The following GAD2 variants were observed in gnomAD, a reference collection of about 807,000 sequenced individuals.
The protein encoded by GAD2 is glutamate decarboxylase 2, also known as 65 kDa glutamic acid decarboxylase.
In GAD2, 22 loss-of-function variants were observed where a neutral mutation model predicts 80.1. The ratio of observed to expected loss-of-function variants is 0.27; its 90% CI spans 0.20 to 0.39. The LOEUF (loss-of-function observed/expected upper bound fraction) is 0.39, where lower values mean the gene tolerates loss of function less well. GAD2 is among the 10% of genes least tolerant of loss of function. The probability of loss-of-function intolerance (pLI) is 1.00; values close to 1 mark genes in which losing one functional copy is unlikely to be tolerated. For synonymous variants in GAD2, 274 were observed against 256.9 expected (o/e 1.07, Z -0.64); for missense variants, 624 against 738.4 (o/e 0.85, Z 1.80).
chr10:26,228,178 T>G (rs1844553357), intron 6 of GAD2, among the ~76,000 whole-genome samples: 1 of 152,216 alleles, frequency 6.6e-6, no homozygotes, highest in Admixed American at 6.5e-5. Flanking sequence ...ATGTCTTCCA[T>G]CCCAGCATAT....
At chr10:26,253,462 A>G (rs1451603837) in intron 8 of GAD2, among the ~76,000 whole-genome samples, 2 of 152,234 alleles carry the variant, frequency 1.3e-5, no homozygotes, top group Non-Finnish European at 2.9e-5. Flanking sequence ...TAGAGAGGAA[A>G]ATAAACATTT....
intron 13 of GAD2, among the ~76,000 whole-genome samples, chr10:26,288,905 T>C (rs1257744504): frequency 6.6e-6 from 1 of 152,080 alleles, no homozygotes; most frequent in African/African-American, 2.4e-5. Flanking sequence ...CAGGACCAGA[T>C]GAAGCCCAAA....
At position 26,217,294 on chromosome 10, in the gene GAD2, T is replaced by C. The variant is rs949884666; in HGVS notation, c.77-316T>C. The stretch of plus-strand genomic sequence containing the variant: ...GAAAGACAGTCTGCGAAAAAATGGA[T>C]AGCTTCAGTGTTTAGGAAAACTCGT... On this transcript the variant is annotated intron_variant, in intron 1 of 15. Coordinates refer to ENST00000376261, the MANE Select transcript of GAD2 (RefSeq NM_001134366.2). The surrounding 1 kb of genome is among the most constrained non-coding windows in gnomAD (Gnocchi z 4.9). Among the ~76,000 whole-genome samples the C allele has an allele frequency of 6.6e-6, 1 of 151,894 alleles. No homozygotes were observed. Among genetic ancestry groups the C allele is most frequent in the Non-Finnish European group, 1.5e-5 (1 of 67,974 alleles).
At chr10:26,256,843 T>C (rs1167452118) in intron 8 of GAD2, among the ~76,000 whole-genome samples, 1 of 152,256 alleles carries the variant, frequency 6.6e-6, no homozygotes, top group East Asian at 1.9e-4. Flanking sequence ...CAGGGGATGC[T>C]TTGTGTCAGC....
rs575855793 is a variant in GAD2 at position 26,284,811 on chromosome 10, C to T, written c.1237-1534C>T. On this transcript the variant is annotated intron_variant, in intron 12 of 15. Transcript: ENST00000376261. ...GTTTCAATCTCCTGACCTTGTGATC[C>T]ACCCGCCTCGGCCTCCCAAAGTGCT... Among the ~76,000 whole-genome samples, 4 of 152,150 alleles carry T rather than the reference C, an allele frequency of 2.6e-5. No homozygotes were observed. In the East Asian group the frequency reaches 7.7e-4, roughly 29 times the overall value.
intron 7 of GAD2, among the ~76,000 whole-genome samples, chr10:26,241,562 T>C (rs1844743127): frequency 6.6e-6 from 1 of 152,086 alleles, no homozygotes; most frequent in Admixed American, 6.5e-5. Flanking sequence ...TTTTTTTTTT[T>C]TTAGAACTGA....
intron 15 of GAD2, among the ~76,000 whole-genome samples, chr10:26,293,683 C>G (rs1200548784): frequency 6.6e-6 from 1 of 152,184 alleles, no homozygotes; most frequent in African/African-American, 2.4e-5. Flanking sequence ...GCAAACAACG[C>G]TGCTGCTGAC....
chr10:26,286,291 T>G, intron 12 of GAD2, 54 bp from the exon 13 acceptor site: 1 of 1,465,356 alleles, frequency 6.8e-7, no homozygotes, highest in Non-Finnish European at 9.4e-7. Context: ...TTTACCAATA[T>G]AAATCTAATA....
intron 8 of GAD2, among the ~76,000 whole-genome samples, chr10:26,254,664 A>G (rs1844923425): frequency 1.3e-5 from 2 of 152,236 alleles, no homozygotes; most frequent in South Asian, 4.1e-4. Context: ...ATGGGACATC[A>G]CTGAAGGGTT....
intron 8 of GAD2, among the ~76,000 whole-genome samples, chr10:26,257,222 CA>C (rs1844954523): frequency 6.6e-6 from 1 of 152,000 alleles, no homozygotes; most frequent in South Asian, 2.1e-4. Context: ...ACCAAAAATA[CA>C]AAAATTAGCC....
chr10:26,226,464 A>G (rs1422534313), intron 6 of GAD2, among the ~76,000 whole-genome samples: 4 of 152,190 alleles, frequency 2.6e-5, no homozygotes, highest in Non-Finnish European at 5.9e-5. Flanking sequence ...CAGTGCAGAC[A>G]TTGCAAAGTT....
intron 9 of GAD2, among the ~76,000 whole-genome samples, chr10:26,269,454 A>G (rs958212059): frequency 1.3e-5 from 2 of 152,248 alleles, no homozygotes; most frequent in Non-Finnish European, 2.9e-5. Flanking sequence ...TGAAACACCC[A>G]CACATTTGAA....
chr10:26,271,639 G>A (rs539706571), intron 10 of GAD2, among the ~76,000 whole-genome samples: 70 of 152,254 alleles, frequency 4.6e-4, no homozygotes, highest in Non-Finnish European at 7.6e-4. Context: ...ATGTTCATTC[G>A]AGTGCAAGAT....
chr10:26,273,253 GCAACTT>G (rs1845158135), intron 10 of GAD2, among the ~76,000 whole-genome samples: 1 of 152,228 alleles, frequency 6.6e-6, no homozygotes, highest in African/African-American at 2.4e-5. Context: ...AGTTTTCCCT[GCAACTT>G]GGAAGCTGTT....
intron 7 of GAD2, among the ~76,000 whole-genome samples, chr10:26,240,973 C>T (rs374371256): frequency 1.7e-4 from 26 of 151,582 alleles, no homozygotes; most frequent in African/African-American, 6.1e-4. Context: ...ATCCGGGAAG[C>T]GGAGCTTGCA....
chr10:26,280,966 T>A lies in GAD2; in HGVS notation c.1158-43T>A, dbSNP rs1407937602. On this transcript the variant is annotated intron_variant, in intron 11 of 15. Coordinates refer to ENST00000376261, the MANE Select transcript of GAD2 (RefSeq NM_001134366.2). The stretch of plus-strand genomic sequence containing the variant: ...CTCAGTTGCGCATGCCCTGAGCCTG[T>A]CAGGGTGGAGTGCCACCCGCTTATG... 9.1e-6 allele frequency: 13 copies of A among 1,423,072 alleles called. 1 individual carries two copies. In the Middle Eastern group the frequency reaches 5.3e-4, roughly 58 times the overall value. The allele number at this position is 1,423,072 out of a possible 1,614,324, so 88.2% of individuals were successfully genotyped here. A position where few individuals can be genotyped will look rare whatever the true frequency, so the allele number is the denominator to read the frequency against.
intron 3 of GAD2, among the ~76,000 whole-genome samples, chr10:26,218,670 G>T (rs1385072334): frequency 6.6e-6 from 1 of 151,816 alleles, no homozygotes; most frequent in East Asian, 1.9e-4. Flanking sequence ...GAAGGCATTC[G>T]AGACAAACAC....
intron 8 of GAD2, among the ~76,000 whole-genome samples, chr10:26,255,627 A>G (rs1451479830): frequency 8.8e-6 from 1 of 114,058 alleles, no homozygotes; most frequent in African/African-American, 3.7e-5. Flanking sequence ...GAAGGGAGGG[A>G]GGAAGGAAGG....
In GAD2 at chr10:26,287,712, T is replaced by C. The variant is rs978301539; in HGVS notation, c.1386+1218T>C. On this transcript the variant is annotated intron_variant, in intron 13 of 15. Coordinates refer to ENST00000376261, the MANE Select transcript of GAD2 (RefSeq NM_001134366.2). ...TTTTTGTTATCTGGTATACAAGGCA[T>C]GAGAACCCTCTCTTCATGGTTTTCC... is the stretch of plus-strand genomic sequence containing the variant. 2.0e-5 allele frequency among the ~76,000 whole-genome samples: 3 copies of C among 152,348 alleles called. No homozygotes were observed. The East Asian group carries it at 5.8e-4, about 29-fold the overall frequency.
Sources: allele counts gnomAD v4.1 joint callset (sites outside exome capture counted in the v4.1 genomes callset), GRCh38; gene constraint gnomAD v4.1.1; non-coding constraint Gnocchi (gnomAD v3.1); transcripts MANE v1.5; gene names NCBI Gene and HGNC (gene_info 2026-07-23, HGNC 2026-07-21).